The following PIGN variants were observed in gnomAD, a reference collection of about 807,000 sequenced individuals.
PIGN encodes phosphatidylinositol glycan anchor biosynthesis class N.
PIGN carries 117 observed loss-of-function variants against 125.4 expected under a neutral mutation model. The ratio of observed to expected loss-of-function variants is 0.93; its 90% CI spans 0.80 to 1.09. The LOEUF is 1.09. Ranked by LOEUF, PIGN falls within the 50% of genes least tolerant of loss-of-function variation. PIGN has a pLI of 0.00. For missense variants in PIGN, 1,075 were observed against 1,094.9 expected, an observed-to-expected ratio of 0.98 and a Z score of 0.26; for synonymous variants, 392 against 377.8, an observed-to-expected ratio of 1.04 and a Z score of -0.44.
intron 14 of PIGN, among the ~76,000 whole-genome samples, chr18:62,125,615 A>G (rs1487584289): frequency 6.6e-6 from 1 of 152,042 alleles, no homozygotes; most frequent in Admixed American, 6.6e-5. Flanking sequence ...TCTCCAAAAG[A>G]GTGATTATAT....
At chr18:62,074,722 T>C (rs2033078966) in intron 29 of PIGN, 57 bp downstream of exon 29, 1 of 1,133,182 alleles carries the variant, frequency 8.8e-7, no homozygotes, top group Admixed American at 2.2e-5. Context: ...TTTCTCTTTA[T>C]TAAATTAACC....
chr18:62,040,657 G>A (rs1460528237), downstream of PIGN, among the ~76,000 whole-genome samples: 2 of 152,180 alleles, frequency 1.3e-5, no homozygotes, highest in Admixed American at 1.3e-4. Flanking sequence ...GACATGATAA[G>A]CAAACATGTA....
chr18:62,113,149 A>C lies in PIGN; in HGVS notation c.1419T>G (p.Val473=). The C allele has an allele frequency of 6.2e-7, 1 of 1,608,350 alleles. No individual in the cohort carries two copies. The highest frequency in any genetic ancestry group is 8.5e-7 in the Non-Finnish European group (1 of 1,176,736). Residue 473 remains valine (V), a synonymous_variant, in exon 16 of 31, where the codon GTT becomes GTG. Coordinates refer to ENST00000640252, the MANE Select transcript of PIGN (RefSeq NM_176787.5). ...IKSHSNLIKG[V]SKEVKKPSHL... ...CTAAACGTACCTTCACTTCTTTACT[A>C]ACACCTTTTATAAGGTTGGAATGAG...
At chr18:62,163,977 C>T (rs1194916633) in intron 1 of PIGN, among the ~76,000 whole-genome samples, 2 of 152,132 alleles carry the variant, frequency 1.3e-5, no homozygotes, top group Non-Finnish European at 2.9e-5. Context: ...ATAATGTCCT[C>T]AAGTTTCATC....
intron 23 of PIGN, among the ~76,000 whole-genome samples, chr18:62,091,253 G>A (rs62095303): frequency 0.3 from 44,983 of 151,982 alleles, 7,892 homozygotes; most frequent in East Asian, 0.57. Context: ...GCTGAGGCAG[G>A]AGAATCACGT....
At chr18:62,030,178 G>C (rs1430495754) in intron 23 of PIGN, among the ~76,000 whole-genome samples, 2 of 152,236 alleles carry the variant, frequency 1.3e-5, no homozygotes, top group African/African-American at 2.4e-5. Flanking sequence ...CTTAACAAGT[G>C]AAATGCCACT....
chr18:62,091,452 C>T (rs2033954765), intron 23 of PIGN, among the ~76,000 whole-genome samples: 1 of 152,108 alleles, frequency 6.6e-6, no homozygotes, highest in Non-Finnish European at 1.5e-5. Flanking sequence ...TATTAAGAAT[C>T]TCAAAAATAT....
chr18:62,109,835 C>A lies in PIGN; in HGVS notation c.1573G>T (p.Glu525Ter), dbSNP rs1403041502. The change falls in exon 17 of 31, where the codon GAA (glutamate) becomes TAA (stop). Residue 525 changes from glutamate to a stop codon, truncating the protein, a stop_gained and splice_region_variant. Coordinates refer to ENST00000640252, the MANE Select transcript of PIGN (RefSeq NM_176787.5). LOFTEE classifies it high-confidence loss of function. ...PLPIWYAVLR[E>*]FQVIQDLVVS... ...AAGGCAGCAAGATGCATTACTTACT[C>A]TCTTAGAACCGCATACCATATTGGC... The A allele has an allele frequency of 6.2e-7, 1 of 1,608,494 alleles. No homozygotes were observed.
At chr18:62,053,144 A>C (rs1283112577) in intron 30 of PIGN, among the ~76,000 whole-genome samples, 1 of 152,224 alleles carries the variant, frequency 6.6e-6, no homozygotes. Context: ...TGTAGAGGAA[A>C]TATTTAAGAC....
intron 14 of PIGN, 163 bp downstream of exon 14, chr18:62,138,077 CATT>C: frequency 1.1e-6 from 1 of 939,248 alleles, no homozygotes; most frequent in Non-Finnish European, 1.5e-6. Flanking sequence ...GCACCTGGCT[CATT>C]ATTTAACAAC....
chr18:62,090,541 T>A lies in PIGN; in HGVS notation c.2218A>T (p.Met740Leu). 13 of 1,610,704 alleles carry A rather than the reference T, an allele frequency of 8.1e-6. No homozygotes were observed. Among genetic ancestry groups the A allele is most frequent in the Non-Finnish European group, 1.1e-5 (13 of 1,177,968 alleles). The change falls in exon 24 of 31, where the codon ATG (methionine) becomes TTG (leucine). Residue 740 changes from methionine to leucine, a missense_variant. By Grantham distance (15) the Met-to-Leu change is conservative. Transcript: ENST00000640252. ...TGTTCTATGTTTATCCAGACAAACATCAAACAAGACAACACTAGTGGAAAG... is the reference window on the plus strand; with the variant it reads ...TGTTCTATGTTTATCCAGACAAACAACAAACAAGACAACACTAGTGGAAAG... Reference protein sequence around the residue: ...ALFPLVLSCLMFVWINIEQET... With the variant: ...ALFPLVLSCLLFVWINIEQET...
Position 62,041,701 on chromosome 18 carries a change from GTGTGTT to G in PIGN, c.*4149_*4154del, listed in dbSNP as rs1414874837. On this transcript the variant is annotated 3_prime_UTR_variant, in exon 31 of 31. Transcript: ENST00000640252. ...TGTGTGTGTGTGTGTGTGTGTGTGT[GTGTGTT>G]TAGTAGAGATGGGGTTTTGCCATCT... 20 of 145,240 alleles carry G rather than the reference GTGTGTT, an allele frequency of 1.4e-4. No homozygotes were observed. The highest frequency in any genetic ancestry group is 9.0e-5 in the Non-Finnish European group (6 of 66,808). The allele number at this position is 145,240 out of a possible 1,614,324, so 9.0% of individuals were successfully genotyped here.
At chr18:62,125,879 G>A (rs535418857) in intron 14 of PIGN, among the ~76,000 whole-genome samples, 7 of 152,108 alleles carry the variant, frequency 4.6e-5, no homozygotes, top group African/African-American at 1.7e-4. Context: ...ACAAAAATCA[G>A]TGTTTTCATG....
At chr18:62,047,554 G>A (rs2030835004) in intron 30 of PIGN, among the ~76,000 whole-genome samples, 1 of 152,142 alleles carries the variant, frequency 6.6e-6, no homozygotes, top group African/African-American at 2.4e-5. Flanking sequence ...AGTAGTGGAG[G>A]CCTTGCAGGG....
intron 1 of PIGN, among the ~76,000 whole-genome samples, chr18:62,168,062 C>T (rs1325843546): frequency 3.7e-4 from 19 of 51,742 alleles, no homozygotes; most frequent in African/African-American, 9.5e-4. Context: ...GGCGTGGTGG[C>T]GCACCCAACC....
At chr18:62,136,311 T>C (rs960868114) in intron 14 of PIGN, 4 of 152,206 alleles carry the variant, frequency 2.6e-5, no homozygotes, top group Non-Finnish European at 4.4e-5. Flanking sequence ...AAAACTCAAG[T>C]ATACAACCAC....
chr18:62,138,727 T>C (rs907552720), intron 13 of PIGN, among the ~76,000 whole-genome samples: 4 of 152,228 alleles, frequency 2.6e-5, no homozygotes, highest in Non-Finnish European at 2.9e-5. Flanking sequence ...AGTTAAAGAA[T>C]TGACTTGTAG....
rs1002734570 is a variant in PIGN, at chr18:62,113,036, T to A, written c.1434+98A>T. ...AAATGAAAGATAAACAAGAGTTAGC[T>A]TAGAACAATGACTTGCACATCCTAT... On this transcript the variant is annotated intron_variant, in intron 16 of 30. Transcript: ENST00000640252. The A allele has an allele frequency of 2.0e-5, 17 of 870,588 alleles. No homozygotes were observed. In the African/African-American group the frequency reaches 2.4e-4, roughly 12 times the overall value. 53.9% of individuals were successfully genotyped at this position (870,588 alleles called of 1,614,324 possible).
At chr18:62,073,665 TA>T (rs1391882813) in intron 29 of PIGN, among the ~76,000 whole-genome samples, 1 of 152,182 alleles carries the variant, frequency 6.6e-6, no homozygotes, top group African/African-American at 2.4e-5. Context: ...ATACAATGAA[TA>T]ATGGTTCACC....
Sources: gnomAD v4.1 joint callset for allele counts (sites outside exome capture counted in the v4.1 genomes callset) on GRCh38, gnomAD v4.1.1 for gene constraint, MANE v1.5 for transcripts, NCBI Gene and HGNC (gene_info 2026-07-23, HGNC 2026-07-21) for gene names.